Variants in ESR1 observed in about 807,000 individuals in gnomAD.
ESR1 encodes estrogen receptor.
Under a neutral mutation model 52.7 loss-of-function variants are expected in ESR1, and 12 were observed. The observed-to-expected ratio is 0.23, with a 90% CI of 0.15 to 0.37. ESR1 has a LOEUF of 0.37. Among genes scored for constraint, ESR1 ranks in the 10% least tolerant of loss-of-function variants. The probability of loss-of-function intolerance (pLI) is 1.00; values close to 1 mark genes in which losing one functional copy is unlikely to be tolerated. For synonymous variants in ESR1, 305 were observed against 316.8 expected, an observed-to-expected ratio of 0.96 and a Z score of 0.39; for missense variants, 584 against 779.7, an observed-to-expected ratio of 0.75 and a Z score of 2.99.
downstream of ESR1, among the ~76,000 whole-genome samples, chr6:152,105,053 C>A (rs1028896051): frequency 6.6e-6 from 1 of 152,194 alleles, no homozygotes; most frequent in South Asian, 2.1e-4. Flanking sequence ...GACAGCCCAC[C>A]TGGAGAGGAC....
At chr6:151,713,681 GA>G (rs1241724452) in intron 2 of ESR1, among the ~76,000 whole-genome samples, 1 of 151,682 alleles carries the variant, frequency 6.6e-6, no homozygotes, top group Non-Finnish European at 1.5e-5. Flanking sequence ...GATTGCTGGT[GA>G]TATTCCCTTT....
intron 3 of ESR1, among the ~76,000 whole-genome samples, chr6:151,942,276 C>G (rs2035163333): frequency 6.6e-6 from 1 of 152,082 alleles, no homozygotes; most frequent in Non-Finnish European, 1.5e-5. Flanking sequence ...AAGTTTGTAC[C>G]TACATAATGG....
chr6:151,670,544 T>C (rs929431069), intron 1 of ESR1, among the ~76,000 whole-genome samples: 4 of 151,988 alleles, frequency 2.6e-5, no homozygotes, highest in African/African-American at 9.6e-5. Flanking sequence ...TTCTGTAATA[T>C]GTGAGAAAAG....
At chr6:151,674,715 G>A (rs1303185298) in intron 1 of ESR1, among the ~76,000 whole-genome samples, 2 of 151,992 alleles carry the variant, frequency 1.3e-5, no homozygotes, top group Non-Finnish European at 2.9e-5. Context: ...TTTAATGATC[G>A]CCATTCTAAC....
At chr6:151,723,794 C>T (rs568870989) in intron 2 of ESR1, among the ~76,000 whole-genome samples, 151 of 152,002 alleles carry the variant, frequency 9.9e-4, no homozygotes, top group African/African-American at 3.5e-3. Flanking sequence ...CGCTTGAACC[C>T]GGGAGGCCGA....
chr6:151,954,700 T>A (rs2036709823), intron 4 of ESR1, among the ~76,000 whole-genome samples: 1 of 152,228 alleles, frequency 6.6e-6, no homozygotes. Flanking sequence ...GATGAATGGT[T>A]TAAATATAAA....
intron 6 of ESR1, among the ~76,000 whole-genome samples, chr6:152,079,596 G>A (rs1181775372): frequency 6.6e-6 from 1 of 152,170 alleles, no homozygotes; most frequent in Non-Finnish European, 1.5e-5. Flanking sequence ...CCAAAGGATT[G>A]CAGCTCCTCA....
chr6:151,731,611 A>G (rs1782253719), intron 2 of ESR1, among the ~76,000 whole-genome samples: 2 of 152,134 alleles, frequency 1.3e-5, no homozygotes, highest in East Asian at 1.9e-4. Flanking sequence ...CAGAGAGTTT[A>G]TGCTAACCCA....
intron 5 of ESR1, among the ~76,000 whole-genome samples, chr6:152,036,087 G>T (rs2045272991): frequency 6.7e-6 from 1 of 148,646 alleles, no homozygotes; most frequent in African/African-American, 2.6e-5. Context: ...TAAAAAACCA[G>T]GGCCAGGCAC....
chr6:151,731,584 A>G (rs1375679260), intron 2 of ESR1, among the ~76,000 whole-genome samples: 2 of 152,134 alleles, frequency 1.3e-5, no homozygotes, highest in African/African-American at 2.4e-5. Context: ...CCTTTGTACA[A>G]GACACATATA....
intron 6 of ESR1, among the ~76,000 whole-genome samples, chr6:152,065,026 T>C (rs1043471639): frequency 6.6e-6 from 1 of 152,202 alleles, no homozygotes; most frequent in Non-Finnish European, 1.5e-5. Flanking sequence ...CAACAACAGC[T>C]ATCATCATCA....
At chr6:151,755,241 C>CA (rs567126492) in intron 2 of ESR1, among the ~76,000 whole-genome samples, 8,733 of 141,974 alleles carry the variant, frequency 0.062, 839 homozygotes, top group African/African-American at 0.21. Flanking sequence ...AAACCAAAAC[C>CA]AAAAAAAAAA....
chr6:151,729,602 T>G (rs187043430), intron 2 of ESR1, among the ~76,000 whole-genome samples: 1 of 152,318 alleles, frequency 6.6e-6, no homozygotes, highest in African/African-American at 2.4e-5. Context: ...CCCTGCCATG[T>G]GCTAGAGACT....
chr6:151,873,223 G>C (rs1162087966), intron 2 of ESR1, among the ~76,000 whole-genome samples: 1 of 152,182 alleles, frequency 6.6e-6, no homozygotes, highest in Non-Finnish European at 1.5e-5. Flanking sequence ...AGGAGACCTT[G>C]GTTCAAAACC....
At chr6:152,031,266 G>T (rs2044674397) in intron 5 of ESR1, among the ~76,000 whole-genome samples, 1 of 152,130 alleles carries the variant, frequency 6.6e-6, no homozygotes, top group Non-Finnish European at 1.5e-5. Flanking sequence ...AAAGCTAGCA[G>T]AAGACAAGAA....
chr6:151,764,558 G>A (rs755028875), intron 2 of ESR1, among the ~76,000 whole-genome samples: 43 of 152,254 alleles, frequency 2.8e-4, no homozygotes, highest in Admixed American at 1.1e-3. Context: ...GATAATGCTG[G>A]AAATCGATGG....
At chr6:152,056,623 G>T (rs968070919) in intron 5 of ESR1, among the ~76,000 whole-genome samples, 2 of 152,144 alleles carry the variant, frequency 1.3e-5, no homozygotes, top group African/African-American at 4.8e-5. Flanking sequence ...ATGAGCAAAT[G>T]CTCTGTCAAG....
chr6:152,109,191 A>G lies in ESR1; in HGVS notation c.851-16075A>G, dbSNP rs13192942. ...CAGGAGAACTCCGTCCCATGATCCA[A>G]TCACCTCCCACCAGGCCCCACCTCC... On this transcript the variant is annotated intron_variant, in intron 6 of 6. Transcript: ENST00000427531. Among the ~76,000 whole-genome samples, 305 of 152,160 alleles carry G rather than the reference A, an allele frequency of 2.0e-3. 5 individuals are homozygous for G. The East Asian group carries it at 0.052, about 26-fold the overall frequency.
chr6:151,986,415 C>G (rs1218649605), intron 4 of ESR1, among the ~76,000 whole-genome samples: 1 of 152,052 alleles, frequency 6.6e-6, no homozygotes, highest in Non-Finnish European at 1.5e-5. Flanking sequence ...CAGATACAAC[C>G]ATTTATGTTG....
Sources: allele counts gnomAD v4.1 joint callset (sites outside exome capture counted in the v4.1 genomes callset), GRCh38; gene constraint gnomAD v4.1.1; transcripts MANE v1.5; gene names NCBI Gene and HGNC (gene_info 2026-07-23, HGNC 2026-07-21).